Variants in SLC35F1 observed in about 807,000 individuals in gnomAD.
SLC35F1 encodes chromosome 6 open reading frame 169.
Under a neutral mutation model 48.7 loss-of-function variants are expected in SLC35F1, and 14 were observed. The observed-to-expected ratio is 0.29, with a 90% CI of 0.19 to 0.45. The LOEUF (loss-of-function observed/expected upper bound fraction) is 0.45. Ranked by LOEUF, SLC35F1 falls within the 20% of genes least tolerant of loss-of-function variation. The pLI is 1.00. For synonymous variants in SLC35F1, 190 were observed against 202.2 expected (o/e 0.94, Z 0.51); for missense variants, 404 against 500.0 (o/e 0.81, Z 1.83).
At chr6:118,026,140 A>G (rs1407709697) in intron 1 of SLC35F1, among the ~76,000 whole-genome samples, 1 of 152,160 alleles carries the variant, frequency 6.6e-6, no homozygotes, top group Non-Finnish European at 1.5e-5. Flanking sequence ...TAGGAGTCAT[A>G]AGAGAGATGT....
At chr6:117,923,378 G>T (rs1459741378) in intron 1 of SLC35F1, among the ~76,000 whole-genome samples, 2 of 151,334 alleles carry the variant, frequency 1.3e-5, no homozygotes, top group Non-Finnish European at 1.5e-5. Context: ...CTCCGAAGAA[G>T]GAATTATTAG....
At chr6:118,141,957 A>G (rs536126434) in intron 1 of SLC35F1, among the ~76,000 whole-genome samples, 2 of 152,328 alleles carry the variant, frequency 1.3e-5, no homozygotes, top group South Asian at 4.1e-4. Context: ...TCTTAAAGAA[A>G]GTGTCAGTGG....
At chr6:118,024,438 C>G (rs573899013) in intron 1 of SLC35F1, among the ~76,000 whole-genome samples, 2 of 152,282 alleles carry the variant, frequency 1.3e-5, no homozygotes, top group East Asian at 3.9e-4. Context: ...TTCTTTGCAA[C>G]TTCTTTTGGA....
chr6:118,239,176 T>C (rs1775404795), intron 3 of SLC35F1, among the ~76,000 whole-genome samples: 1 of 150,686 alleles, frequency 6.6e-6, no homozygotes, highest in South Asian at 2.1e-4. Context: ...GTGAGCTCTT[T>C]CATAGCAAGG....
At chr6:118,179,409 T>C (rs919661690) in intron 2 of SLC35F1, among the ~76,000 whole-genome samples, 1 of 152,170 alleles carries the variant, frequency 6.6e-6, no homozygotes, top group African/African-American at 2.4e-5. Context: ...ATGTCCCTGC[T>C]CCAGAAGAGA....
chr6:117,928,069 A>T (rs1267024627), intron 1 of SLC35F1, among the ~76,000 whole-genome samples: 1 of 152,132 alleles, frequency 6.6e-6, no homozygotes, highest in Non-Finnish European at 1.5e-5. Flanking sequence ...AAAATATGTA[A>T]CTTTCATTGC....
At chr6:117,916,037 T>A (rs1230616869) in intron 1 of SLC35F1, among the ~76,000 whole-genome samples, 2 of 152,212 alleles carry the variant, frequency 1.3e-5, no homozygotes, top group Non-Finnish European at 2.9e-5. Context: ...GAAAGAGATC[T>A]GCTCTCCAGG....
At chr6:118,270,422 G>A (rs1338638672) in intron 4 of SLC35F1, among the ~76,000 whole-genome samples, 1 of 152,192 alleles carries the variant, frequency 6.6e-6, no homozygotes, top group Non-Finnish European at 1.5e-5. Context: ...ACTCTAGACA[G>A]AGGTGGAGAG....
At chr6:118,296,517 C>T (rs1332423047) in intron 7 of SLC35F1, among the ~76,000 whole-genome samples, 1 of 152,212 alleles carries the variant, frequency 6.6e-6, no homozygotes, top group African/African-American at 2.4e-5. Flanking sequence ...GTCTCTGCTA[C>T]ACTAGCAATT....
intron 3 of SLC35F1, among the ~76,000 whole-genome samples, chr6:118,262,666 G>T (rs1052935962): frequency 6.6e-6 from 1 of 152,140 alleles, no homozygotes; most frequent in Non-Finnish European, 1.5e-5. Flanking sequence ...TTATAGAGTA[G>T]ATACAGTCAT....
intron 2 of SLC35F1, among the ~76,000 whole-genome samples, chr6:118,159,098 G>A (rs531644128): frequency 4.6e-5 from 7 of 151,958 alleles, no homozygotes; most frequent in African/African-American, 2.4e-5. Flanking sequence ...GCAGGCGCCT[G>A]TAGTCCCAGC....
rs1392823102 is a variant in SLC35F1 at position 117,923,660 on chromosome 6, T to C, written c.173+15761T>C. Among the ~76,000 whole-genome samples, 13 of 33,890 alleles carry C rather than the reference T, an allele frequency of 3.8e-4. 3 individuals carry two copies. The highest frequency in any genetic ancestry group is 8.7e-4 in the East Asian group (1 of 1,156). The allele number at this position is 33,890 out of a possible 152,430, so 22.2% of individuals were successfully genotyped here. On this transcript the variant is annotated intron_variant, in intron 1 of 7. Coordinates refer to ENST00000360388, the MANE Select transcript of SLC35F1 (RefSeq NM_001029858.4). ...GTACATATGTACATATGTACATATG[T>C]ATATATACATATATGTACATATATA...
At chr6:118,277,186 T>C (rs540730098) in intron 5 of SLC35F1, among the ~76,000 whole-genome samples, 3 of 152,300 alleles carry the variant, frequency 2.0e-5, no homozygotes, top group South Asian at 4.1e-4. Flanking sequence ...ACCTCACCAT[T>C]TGCTTTTCAG....
intron 1 of SLC35F1, among the ~76,000 whole-genome samples, chr6:117,938,969 G>A (rs548216542): frequency 6.8e-6 from 1 of 147,490 alleles, no homozygotes; most frequent in African/African-American, 2.5e-5. Flanking sequence ...TACTTCCGAA[G>A]TTCTACCAGA....
chr6:118,245,925 G>A (rs1368609287), intron 3 of SLC35F1, among the ~76,000 whole-genome samples: 2 of 152,134 alleles, frequency 1.3e-5, no homozygotes, highest in Non-Finnish European at 2.9e-5. Flanking sequence ...GGGCACATAT[G>A]ACTTAATACT....
rs573354188 is a variant in SLC35F1 at position 118,289,302 on chromosome 6, G to T, written c.1002+3964G>T. On this transcript the variant is annotated intron_variant, in intron 7 of 7. Coordinates refer to ENST00000360388, the MANE Select transcript of SLC35F1 (RefSeq NM_001029858.4). Reference sequence around the variant, plus strand: ...TGACTATTACAAATAAATCTGCTGTGAACATTCATGTACAGGTTTTAGTAT... The same window carrying T: ...TGACTATTACAAATAAATCTGCTGTTAACATTCATGTACAGGTTTTAGTAT... Among the ~76,000 whole-genome samples the T allele has an allele frequency of 3.9e-5, 6 of 152,316 alleles. No homozygotes were observed. In the South Asian group the frequency reaches 6.2e-4, roughly 16 times the overall value.
chr6:117,928,191 A>G (rs556235100), intron 1 of SLC35F1, among the ~76,000 whole-genome samples: 21 of 152,280 alleles, frequency 1.4e-4, no homozygotes, highest in African/African-American at 4.6e-4. Context: ...CCTGGCCCCA[A>G]AGAAAATGGG....
At chr6:117,923,720 TATATAC>T (rs1775963660) in intron 1 of SLC35F1, among the ~76,000 whole-genome samples, 4 of 5,876 alleles carry the variant, frequency 6.8e-4, no homozygotes, top group African/African-American at 1.9e-3. Flanking sequence ...CATATATACA[TATATAC>T]ATATGTATAT....
intron 1 of SLC35F1, among the ~76,000 whole-genome samples, chr6:118,149,656 C>T (rs1308444126): frequency 1.3e-5 from 2 of 152,152 alleles, no homozygotes; most frequent in South Asian, 2.1e-4. Flanking sequence ...TTTTACATGT[C>T]GTGCTCATTA....
Sources: gnomAD v4.1 joint callset for allele counts (sites outside exome capture counted in the v4.1 genomes callset) on GRCh38, gnomAD v4.1.1 for gene constraint, MANE v1.5 for transcripts, NCBI Gene and HGNC (gene_info 2026-07-23, HGNC 2026-07-21) for gene names.